GPR35: variants seen among roughly 807,000 people sequenced by gnomAD.
GPR35 encodes the protein G protein-coupled receptor 35.
For missense variants in GPR35, 372 were observed against 422.5 expected (o/e 0.88, Z 1.05); for synonymous variants, 207 against 198.4 (o/e 1.04, Z -0.36).
chr2:240,629,769 C>G lies in GPR35; in HGVS notation c.-4-180C>G, dbSNP rs147475072. The stretch of plus-strand genomic sequence containing the variant: ...GAGGATCTGTCCAGGGGTTAGACCT[C>G]AAGGGTGACTTGGAGTTCTTTACGG... On this transcript the variant is annotated intron_variant, in intron 1 of 1. Transcript: ENST00000407714. The G allele has an allele frequency of 2.1e-4, 124 of 593,226 alleles. 1 individual carries two copies. In the East Asian group the frequency reaches 3.3e-3, roughly 16 times the overall value. The allele number at this position is 593,226 out of a possible 1,614,324, so 36.7% of individuals were successfully genotyped here.
At chr2:240,617,503 T>C in intron 4 of GPR35, 1 of 448,268 alleles carries the variant, frequency 2.2e-6, no homozygotes. Flanking sequence ...AGTAGTGATA[T>C]TCTACTTCTG....
At chr2:240,617,308 G>A in exon 4 of GPR35, 1 of 708,894 alleles carries the variant, frequency 1.4e-6, no homozygotes, top group South Asian at 1.5e-5. Flanking sequence ...ACCCTGAGCA[G>A]AGGACCCAGT....
chr2:240,610,793 C>G (rs536224280), intron 2 of GPR35, among the ~76,000 whole-genome samples: 3 of 151,930 alleles, frequency 2.0e-5, no homozygotes, highest in Non-Finnish European at 4.4e-5. Context: ...CGCCACCACG[C>G]CCGGCTAATT....
At chr2:240,623,303 A>G (rs11889778), upstream of GPR35, among the ~76,000 whole-genome samples, 16,293 of 96,782 alleles carry the variant, frequency 0.17, 2,056 homozygotes, top group East Asian at 0.3. Context: ...GAAACAGGTC[A>G]TGAGGGCGCA....
rs1311459486 is a variant in GPR35, at chr2:240,631,311, C to T, written c.*429C>T. On this transcript the variant is annotated 3_prime_UTR_variant, in exon 2 of 2. Transcript: ENST00000407714. ...TGTGGTGGGAGGCAGGGAGGGAGCG[C>T]GTGGCTCAGAGGGCTGGCGGACATC... The T allele has an allele frequency of 2.8e-5, 6 of 215,736 alleles. No homozygotes were observed. In the South Asian group the frequency reaches 4.3e-4, roughly 15 times the overall value. 13.4% of individuals were successfully genotyped at this position (215,736 alleles called of 1,614,324 possible).
At chr2:240,625,895 C>T (rs2043368295) in intron 1 of GPR35, among the ~76,000 whole-genome samples, 1 of 127,398 alleles carries the variant, frequency 7.8e-6, no homozygotes, top group East Asian at 2.5e-4. Context: ...ATGGGGGTCT[C>T]AGAGTGGGGT....
At chr2:240,619,034 G>A (rs1347412397) in intron 5 of GPR35, 1 of 702,306 alleles carries the variant, frequency 1.4e-6, no homozygotes, top group South Asian at 1.5e-5. Flanking sequence ...GTCTCTCTGT[G>A]AGTACATTCC....
upstream of GPR35, among the ~76,000 whole-genome samples, chr2:240,623,818 C>T (rs1379824724): frequency 6.6e-6 from 1 of 152,234 alleles, no homozygotes; most frequent in South Asian, 2.1e-4. Flanking sequence ...CAAGTCCACA[C>T]AGCCCAGAAG....
chr2:240,619,917 C>T (rs554386704), intron 5 of GPR35, among the ~76,000 whole-genome samples: 126 of 152,200 alleles, frequency 8.3e-4, no homozygotes, highest in African/African-American at 2.5e-3. Context: ...GGGCCTCAAG[C>T]GGGGGCCCGA....
upstream of GPR35, among the ~76,000 whole-genome samples, chr2:240,623,710 G>A (rs1351087533): frequency 6.6e-6 from 1 of 152,156 alleles, no homozygotes; most frequent in Admixed American, 6.5e-5. Context: ...GAGGTAGGGG[G>A]TGGGCTGGGG....
At chr2:240,613,665 CCTT>C (rs1212566075) in intron 2 of GPR35, among the ~76,000 whole-genome samples, 1 of 151,926 alleles carries the variant, frequency 6.6e-6, no homozygotes, top group African/African-American at 2.4e-5. Flanking sequence ...TCAATTCAAA[CCTT>C]AACCCTAAAC....
At chr2:240,624,995 C>T (rs543481875), upstream of GPR35, among the ~76,000 whole-genome samples, 1 of 152,012 alleles carries the variant, frequency 6.6e-6, no homozygotes, top group South Asian at 2.1e-4. Flanking sequence ...TGTGTGCCAG[C>T]GTGTGTGTGT....
At chr2:240,623,155 C>A (rs191204114), upstream of GPR35, among the ~76,000 whole-genome samples, 9 of 152,316 alleles carry the variant, frequency 5.9e-5, no homozygotes, top group Admixed American at 2.0e-4. Flanking sequence ...GGTCGTCGAG[C>A]TTCACAGAGG....
In GPR35 at chr2:240,632,159, G is replaced by C. The variant is rs1171807329; in HGVS notation, c.*1277G>C. On this transcript the variant is annotated 3_prime_UTR_variant, in exon 2 of 2. Transcript: ENST00000407714. ...GCCCAAAAGGGTCCCATGTCCGGGA[G>C]GGTCCATACGCAAGGGTGTCCATGC... Among the ~76,000 whole-genome samples the C allele has an allele frequency of 6.6e-6, 1 of 151,782 alleles. No homozygotes were observed. The highest frequency in any genetic ancestry group is 2.4e-5 in the African/African-American group (1 of 41,284).
chr2:240,617,144 T>A (rs2043247749), exon 4 of GPR35: 1 of 714,644 alleles, frequency 1.4e-6, no homozygotes, highest in Non-Finnish European at 2.6e-6. Flanking sequence ...CTGATGAGAC[T>A]GCAGCCCCGG....
chr2:240,609,155 C>G (rs1248091645), intron 2 of GPR35, among the ~76,000 whole-genome samples: 1 of 149,956 alleles, frequency 6.7e-6, no homozygotes, highest in Non-Finnish European at 1.5e-5. Flanking sequence ...ATTTTTTTTT[C>G]TTTTCAAATA....
chr2:240,610,021 G>A (rs929803067), intron 2 of GPR35, among the ~76,000 whole-genome samples: 38 of 151,274 alleles, frequency 2.5e-4, no homozygotes, highest in Admixed American at 1.8e-3. Context: ...GTGCAGTGGC[G>A]CAATCTCAGC....
chr2:240,625,856 T>C (rs111295878), intron 1 of GPR35, among the ~76,000 whole-genome samples: 9 of 67,234 alleles, frequency 1.3e-4, no homozygotes, highest in South Asian at 5.2e-4. Flanking sequence ...GAGGCTGTGA[T>C]GGGTGTCTCA....
chr2:240,609,511 ATT>A (rs1467185675), intron 2 of GPR35, among the ~76,000 whole-genome samples: 2 of 152,292 alleles, frequency 1.3e-5, no homozygotes, highest in African/African-American at 4.8e-5. Flanking sequence ...ATATTTGGGC[ATT>A]CTTTGTGTGT....
Sources: gnomAD v4.1 joint callset for allele counts (sites outside exome capture counted in the v4.1 genomes callset) on GRCh38, gnomAD v4.1.1 for gene constraint, MANE v1.5 for transcripts, NCBI Gene and HGNC (gene_info 2026-07-23, HGNC 2026-07-21) for gene names.